The following BTAF1 variants were observed in gnomAD, a reference collection of about 807,000 sequenced individuals.
BTAF1 encodes the protein B-TFIID TATA-box binding protein associated factor 1, also known as TATA-binding protein-associated factor 172.
Under a neutral mutation model 227.1 loss-of-function variants are expected in BTAF1, and 38 were observed. The observed-to-expected ratio is 0.17, with a 90% confidence interval of 0.13 to 0.22. The LOEUF is 0.22. Ranked by LOEUF, BTAF1 falls within the 10% of genes least tolerant of loss-of-function variation. BTAF1 has a pLI of 1.00. For synonymous variants in BTAF1, 742 were observed against 751.9 expected (o/e 0.99, Z 0.21); for missense variants, 1,598 against 2,204.0 (o/e 0.73, Z 5.51).
rs1018900716 is a variant in BTAF1, at chr10:92,011,474, G to C, written c.4311+59G>C. ...TTATTTTTATTTTTCATGTTTGCCA[G>C]GTGGAGGGTAGGCTTGGTATTTGGC... On this transcript the variant is annotated intron_variant, in intron 30 of 37. Transcript: ENST00000265990. 1.2e-5 allele frequency: 10 copies of C among 829,074 alleles called. No individual in the cohort carries two copies. In the South Asian group the frequency reaches 5.4e-4, roughly 45 times the overall value. 51.4% of individuals were successfully genotyped at this position (829,074 alleles called of 1,614,324 possible). A position where few individuals can be genotyped will look rare whatever the true frequency, so the allele number is the denominator to read the frequency against.
At chr10:91,946,485 T>A (rs1484691657) in intron 4 of BTAF1, among the ~76,000 whole-genome samples, 1 of 152,258 alleles carries the variant, frequency 6.6e-6, no homozygotes, top group African/African-American at 2.4e-5. Flanking sequence ...GGTAACTGTA[T>A]TTTACCATTT....
intron 14 of BTAF1, among the ~76,000 whole-genome samples, chr10:91,976,958 A>G (rs930327916): frequency 2.0e-5 from 3 of 152,180 alleles, no homozygotes; most frequent in Admixed American, 6.5e-5. Flanking sequence ...TGGATCCTAA[A>G]TGAGATGGGT....
chr10:91,947,030 A>T (rs1845416331), intron 4 of BTAF1, among the ~76,000 whole-genome samples: 1 of 151,906 alleles, frequency 6.6e-6, no homozygotes, highest in Admixed American at 6.6e-5. Context: ...TTTAGTAGAG[A>T]TAGGGTTTCA....
chr10:91,953,971 A>G (rs1405386099), intron 6 of BTAF1, 98 bp downstream of exon 6: 1 of 1,480,184 alleles, frequency 6.8e-7, no homozygotes, highest in African/African-American at 1.4e-5. Context: ...TGACATATTT[A>G]GCTGGGGAGT....
chr10:91,993,896 A>G (rs371666622), intron 22 of BTAF1, 49 bp downstream of exon 22: 8 of 1,394,964 alleles, frequency 5.7e-6, no homozygotes, highest in Non-Finnish European at 6.8e-6. Flanking sequence ...TTTAATGTCT[A>G]TTAATTGAAT....
chr10:92,016,382 G>T lies in BTAF1; in HGVS notation c.4627G>T (p.Asp1543Tyr), dbSNP rs767360270. Residue 1543 changes from aspartate to tyrosine, a missense_variant, in exon 33 of 38, where the codon GAT becomes TAT. Asp to Tyr is a radical substitution (Grantham distance 160, BLOSUM62 -3). Transcript: ENST00000265990. ...EDFAKSRAKC[D>Y]VDETVSSATL... Reference sequence around the variant, plus strand: ...TTTTGCTAAGTCTCGTGCCAAGTGTGATGTTGATGAAACAGTTTCTTCAGC... The same window carrying T: ...TTTTGCTAAGTCTCGTGCCAAGTGTTATGTTGATGAAACAGTTTCTTCAGC... 4.4e-6 allele frequency: 7 copies of T among 1,600,126 alleles called. No individual in the cohort carries two copies. The highest frequency in any genetic ancestry group is 6.0e-6 in the Non-Finnish European group (7 of 1,174,292).
chr10:91,981,995 GA>G, intron 16 of BTAF1, 87 bp from the exon 17 acceptor site: 2 of 1,443,096 alleles, frequency 1.4e-6, no homozygotes, highest in Admixed American at 5.2e-5. Context: ...ATTTTACTGG[GA>G]TTATTTTAAA....
intron 1 of BTAF1, among the ~76,000 whole-genome samples, chr10:91,933,089 C>G (rs1391125379): frequency 5.3e-5 from 8 of 152,284 alleles, no homozygotes. Context: ...GGAAACCACC[C>G]CCTTGAGGAG....
In BTAF1 at chr10:92,018,094, T is replaced by A. The variant is rs528282918; in HGVS notation, c.4711-689T>A. ...AGGTTTATAAGGTCCTCAAGAATTT[T>A]TTTTTTAAAGACTGAGTCTCGCTCT... is the stretch of plus-strand genomic sequence containing the variant. On this transcript the variant is annotated intron_variant, in intron 33 of 37. Transcript: ENST00000265990. 3.3e-5 allele frequency among the ~76,000 whole-genome samples: 5 copies of A among 152,260 alleles called. No homozygotes were observed. The East Asian group carries it at 7.7e-4, about 24-fold the overall frequency.
intron 1 of BTAF1, among the ~76,000 whole-genome samples, chr10:91,934,735 G>A (rs1420099695): frequency 6.6e-6 from 1 of 152,114 alleles, no homozygotes; most frequent in African/African-American, 2.4e-5. Flanking sequence ...CAACCAAACT[G>A]TTATTCATTT....
At position 92,024,732 on chromosome 10, in the gene BTAF1, GT is replaced by G. The variant is rs1554870028; in HGVS notation, c.4864-10del. Reference sequence around the variant, plus strand: ...TCTGCTTTTATTGAACGCTTATGTAGTTTTTTTTTTTTTTCTTCCTAAGTTG... The same window carrying G: ...TCTGCTTTTATTGAACGCTTATGTAGTTTTTTTTTTTTTCTTCCTAAGTTG... On this transcript the variant is annotated intron_variant, in intron 34 of 37. Transcript: ENST00000265990. 4.6e-3 allele frequency: 5,759 copies of G among 1,263,056 alleles called. 37 individuals carry two copies. In the African/African-American group the frequency reaches 0.052, roughly 12 times the overall value. The allele number at this position is 1,263,056 out of a possible 1,614,324, so 78.2% of individuals were successfully genotyped here.
intron 1 of BTAF1, among the ~76,000 whole-genome samples, chr10:91,930,055 A>G (rs1253823629): frequency 6.6e-6 from 1 of 152,178 alleles, no homozygotes; most frequent in African/African-American, 2.4e-5. Flanking sequence ...AGTTTGAATT[A>G]TTATTTTAAA....
rs1846394063 is a variant in BTAF1 at position 91,960,054 on chromosome 10, A to T, written c.1163A>T (p.His388Leu). ...VLKHMNETGV[H>L]KTVDVLLKLL... The stretch of plus-strand genomic sequence containing the variant: ...AAACACATGAACGAAACAGGAGTTC[A>T]TAAGACTGTGGATGTGCTGCTAAAA... The change falls in exon 11 of 38, where the codon CAT becomes CTT. Residue 388 changes from histidine (H) to leucine (L), a missense_variant. His to Leu is a moderately conservative substitution (Grantham distance 99). Coordinates refer to ENST00000265990, the MANE Select transcript of BTAF1 (RefSeq NM_003972.3). 6.2e-7 allele frequency: 1 copy of T among 1,613,828 alleles called. No homozygotes were observed. The highest frequency in any genetic ancestry group is 1.7e-5 in the Admixed American group (1 of 59,986).
intron 5 of BTAF1, among the ~76,000 whole-genome samples, chr10:91,952,386 A>G (rs912334904): frequency 2.6e-5 from 4 of 152,018 alleles, no homozygotes; most frequent in Admixed American, 1.3e-4. Context: ...TTTTTATGCC[A>G]CAGACTCTTT....
At chr10:92,006,724 A>G (rs1849914259) in intron 25 of BTAF1, among the ~76,000 whole-genome samples, 1 of 152,214 alleles carries the variant, frequency 6.6e-6, no homozygotes, top group Non-Finnish European at 1.5e-5. Context: ...TTAAGTGACA[A>G]GTTCATTTTT....
In BTAF1 at chr10:92,028,930, G is replaced by A; in HGVS notation, c.5547G>A (p.Lys1849=). The change falls in exon 38 of 38, where the codon AAG becomes AAA. Residue 1849 remains lysine, a synonymous_variant. Coordinates refer to ENST00000265990, the MANE Select transcript of BTAF1 (RefSeq NM_003972.3). The part of the protein sequence containing the change: ...YSLENFMHSL[K] Reference sequence around the variant, plus strand: ...TGGAAAATTTTATGCATTCTCTCAAGTAACTATCAAATATTGTAAATGCAA... The same window carrying A: ...TGGAAAATTTTATGCATTCTCTCAAATAACTATCAAATATTGTAAATGCAA... 6.3e-7 allele frequency: 1 copy of A among 1,577,194 alleles called. No individual in the cohort carries two copies. The highest frequency in any genetic ancestry group is 1.2e-5 in the South Asian group (1 of 83,448).
intron 14 of BTAF1, among the ~76,000 whole-genome samples, chr10:91,968,832 C>G (rs553609994): frequency 6.6e-6 from 1 of 152,216 alleles, no homozygotes; most frequent in African/African-American, 2.4e-5. Context: ...CCATCTACCT[C>G]TCATCTTCGG....
intron 1 of BTAF1, among the ~76,000 whole-genome samples, chr10:91,934,456 C>G (rs1844468485): frequency 6.6e-6 from 1 of 152,018 alleles, no homozygotes; most frequent in Admixed American, 6.5e-5. Context: ...AGGCTGGTCT[C>G]GAACTCCTGA....
intron 33 of BTAF1, among the ~76,000 whole-genome samples, chr10:92,018,081 T>C (rs1850866354): frequency 6.6e-6 from 1 of 151,864 alleles, no homozygotes; most frequent in Non-Finnish European, 1.5e-5. Context: ...GTTTATAAGG[T>C]CCTCAAGAAT....
Sources: gnomAD v4.1 joint callset for allele counts (sites outside exome capture counted in the v4.1 genomes callset) on GRCh38, gnomAD v4.1.1 for gene constraint, MANE v1.5 for transcripts, NCBI Gene and HGNC (gene_info 2026-07-23, HGNC 2026-07-21) for gene names.